The following CHRNA2 variants were observed in gnomAD, a reference collection of about 807,000 sequenced individuals.
CHRNA2 encodes neuronal acetylcholine receptor subunit alpha-2.
Under a neutral mutation model 45.5 loss-of-function variants are expected in CHRNA2, and 40 were observed. That is an observed-to-expected ratio of 0.88 (90% CI 0.68 to 1.15). The LOEUF (loss-of-function observed/expected upper bound fraction) is 1.15. Ranked by LOEUF, CHRNA2 falls within the 50% of genes most tolerant of loss-of-function variation. The pLI is 0.00. For missense variants in CHRNA2, 655 were observed against 701.7 expected, an observed-to-expected ratio of 0.93 and a Z score of 0.75; for synonymous variants, 301 against 296.7, an observed-to-expected ratio of 1.01 and a Z score of -0.15.
intron 1 of CHRNA2, among the ~76,000 whole-genome samples, chr8:27,471,575 C>A (rs1812884277): frequency 6.6e-6 from 1 of 152,208 alleles, no homozygotes; most frequent in South Asian, 2.1e-4. Flanking sequence ...TTTGTCCAAA[C>A]AAATGTCCAT....
intron 1 of CHRNA2, chr8:27,477,097 G>C (rs1486201822): frequency 2.0e-5 from 3 of 152,092 alleles, no homozygotes; most frequent in South Asian, 4.1e-4. Flanking sequence ...TTCGAAACTA[G>C]AATGCGATAA....
Position 27,461,599 on chromosome 8 carries a change from G to T in CHRNA2, c.*30C>A. The T allele has an allele frequency of 1.2e-6, 2 of 1,613,860 alleles. No individual in the cohort carries two copies. The highest frequency in any genetic ancestry group is 1.1e-5 in the South Asian group (1 of 91,082). Reference sequence around the variant, plus strand: ...CGGTCAAAAGATGGTCAGCGGGGGTGCCCTGGGAGCCAGCTCGAGGGAGGT... The same window carrying T: ...CGGTCAAAAGATGGTCAGCGGGGGTTCCCTGGGAGCCAGCTCGAGGGAGGT... On this transcript the variant is annotated 3_prime_UTR_variant, in exon 7 of 7. Coordinates refer to ENST00000407991, the MANE Select transcript of CHRNA2 (RefSeq NM_000742.4).
intron 2 of CHRNA2, among the ~76,000 whole-genome samples, chr8:27,470,680 A>G (rs1411573008): frequency 6.6e-6 from 1 of 152,222 alleles, no homozygotes; most frequent in Non-Finnish European, 1.5e-5. Context: ...TGCCTCCTGT[A>G]TCCCAGATTC....
chr8:27,473,184 C>T (rs1358501646), intron 1 of CHRNA2, among the ~76,000 whole-genome samples: 3 of 151,840 alleles, frequency 2.0e-5, no homozygotes, highest in African/African-American at 7.3e-5. Context: ...CCTCATGTTC[C>T]GGGACACATC....
intron 1 of CHRNA2, among the ~76,000 whole-genome samples, chr8:27,476,788 A>G (rs895140687): frequency 1.3e-5 from 2 of 152,204 alleles, no homozygotes; most frequent in East Asian, 1.9e-4. Context: ...TTTTTACTAG[A>G]TATTAGAACA....
At chr8:27,470,145 A>G (rs1812832338) in intron 2 of CHRNA2, 164 bp from the exon 3 acceptor site, 2 of 713,054 alleles carry the variant, frequency 2.8e-6, no homozygotes, top group South Asian at 1.6e-5. Context: ...GTCGGAGCTC[A>G]GGAAAGGTCA....
Position 27,469,761 on chromosome 8 carries a change from C to T in CHRNA2, c.294G>A (p.Val98=), listed in dbSNP as rs1200627801. ...FGLSIAQLID[V]DEKNQMMTTN... ...GCCAGCGGTGGGAAGACAGGCGCACCACATCGATGAGCTGAGCGATGGACA... is the reference window on the plus strand; with the variant it reads ...GCCAGCGGTGGGAAGACAGGCGCACTACATCGATGAGCTGAGCGATGGACA... Residue 98 remains valine, a splice_region_variant and synonymous_variant, in exon 3 of 7, where the codon GTG becomes GTA. Transcript: ENST00000407991. 6.2e-7 allele frequency: 1 copy of T among 1,614,004 alleles called. No homozygotes were observed. The highest frequency in any genetic ancestry group is 8.5e-7 in the Non-Finnish European group (1 of 1,180,022).
intron 5 of CHRNA2, among the ~76,000 whole-genome samples, chr8:27,465,582 C>T (rs767439728): frequency 6.6e-6 from 1 of 152,000 alleles, no homozygotes; most frequent in Non-Finnish European, 1.5e-5. Context: ...CAGGTGCCAC[C>T]ACCACACCCG....
rs151068685 is a variant in CHRNA2 at position 27,463,537 on chromosome 8, C to T, written c.906G>A (p.Ser302=). 1.1e-5 allele frequency: 17 copies of T among 1,614,052 alleles called. No individual in the cohort carries two copies. Among genetic ancestry groups the T allele is most frequent in the African/African-American group, 6.7e-5 (5 of 74,910 alleles). Residue 302 remains serine (S), a synonymous_variant, in exon 6 of 7, where the codon TCG becomes TCA. Coordinates refer to ENST00000407991, the MANE Select transcript of CHRNA2 (RefSeq NM_000742.4). The surrounding 1 kb of genome is among the most constrained non-coding windows in gnomAD (Gnocchi z 6.1). ...DCGEKITLCI[S]VLLSLTVFLL... ...GGAAGACGGTGAGTGACAGCAGCAC[C>T]GAAATGCACAGCGTGATCTTCTCGC...
At chr8:27,476,602 C>T (rs1813068081) in intron 1 of CHRNA2, among the ~76,000 whole-genome samples, 1 of 152,218 alleles carries the variant, frequency 6.6e-6, no homozygotes, top group South Asian at 2.1e-4. Context: ...CTTTCTGGTT[C>T]CTTGTCTCTT....
intron 5 of CHRNA2, among the ~76,000 whole-genome samples, chr8:27,464,481 A>G (rs1812635995): frequency 6.6e-6 from 1 of 152,082 alleles, no homozygotes; most frequent in Non-Finnish European, 1.5e-5. Flanking sequence ...CATTCAAAGC[A>G]TCTCTTCCAA....
intron 1 of CHRNA2, among the ~76,000 whole-genome samples, chr8:27,477,828 G>A (rs1346725): frequency 0.075 from 11,435 of 152,136 alleles, 1,347 homozygotes; most frequent in African/African-American, 0.25. Flanking sequence ...AGAAGCCTAT[G>A]TAAAAGAGAT....
At chr8:27,474,000 C>T (rs1425230526) in intron 1 of CHRNA2, among the ~76,000 whole-genome samples, 1 of 152,190 alleles carries the variant, frequency 6.6e-6, no homozygotes, top group East Asian at 1.9e-4. Flanking sequence ...CACTCAATCC[C>T]CCTGGGATTT....
At chr8:27,465,457 G>C (rs34181358) in intron 5 of CHRNA2, among the ~76,000 whole-genome samples, 1 of 152,076 alleles carries the variant, frequency 6.6e-6, no homozygotes, top group Non-Finnish European at 1.5e-5. Flanking sequence ...TTTTGAGGCG[G>C]AATCTCACTC....
In CHRNA2 at chr8:27,463,450, G is replaced by T. The variant is rs143360318; in HGVS notation, c.993C>A (p.Tyr331Ter). 6.2e-7 allele frequency: 1 copy of T among 1,614,086 alleles called. No homozygotes were observed. Among genetic ancestry groups the T allele is most frequent in the Non-Finnish European group, 8.5e-7 (1 of 1,180,044 alleles). The change falls in exon 6 of 7, where the codon TAC (tyrosine) becomes TAA (stop). Residue 331 changes from tyrosine to a stop codon, truncating the protein, a stop_gained. Coordinates refer to ENST00000407991, the MANE Select transcript of CHRNA2 (RefSeq NM_000742.4). LOFTEE classifies it high-confidence loss of function. The surrounding 1 kb of genome is among the most constrained non-coding windows in gnomAD (Gnocchi z 6.1). ...TSLVIPLIGE[Y>*]LLFTMIFVTL... ...TGACGAAGATCATGGTGAACAGCAG[G>T]TACTCGCCGATGAGCGGGATGACCA...
chr8:27,475,760 T>C (rs1242435260), intron 1 of CHRNA2, among the ~76,000 whole-genome samples: 1 of 152,212 alleles, frequency 6.6e-6, no homozygotes, highest in African/African-American at 2.4e-5. Context: ...GCTGTGTTCA[T>C]CTGGAATCAC....
chr8:27,463,201 C>T lies in CHRNA2; in HGVS notation c.1242G>A (p.Glu414=). Residue 414 remains glutamate (E), a synonymous_variant, in exon 6 of 7, where the codon GAG becomes GAA. Coordinates refer to ENST00000407991, the MANE Select transcript of CHRNA2 (RefSeq NM_000742.4). This position sits in a 1 kb window ranked among gnomAD's most constrained non-coding sequence, Gnocchi z 6.1. ...ATCTGTCCTCCTCCTCCACCACCAC[C>T]TCCCTCTCCTCGGCATCCACGTTGC... The part of the protein sequence containing the change: ...LESNVDAEER[E]VVVEEEDRWA... 1 of 1,588,942 alleles carries T rather than the reference C, an allele frequency of 6.3e-7. No homozygotes were observed. The highest frequency in any genetic ancestry group is 8.6e-7 in the Non-Finnish European group (1 of 1,164,280).
chr8:27,467,992 T>C (rs1045092832), intron 4 of CHRNA2, among the ~76,000 whole-genome samples: 1 of 152,158 alleles, frequency 6.6e-6, no homozygotes, highest in Non-Finnish European at 1.5e-5. Flanking sequence ...ATCTCCGTAG[T>C]CCATCTGTCA....
chr8:27,470,593 G>A (rs1052473478), intron 2 of CHRNA2, among the ~76,000 whole-genome samples: 22 of 152,222 alleles, frequency 1.4e-4, no homozygotes, highest in African/African-American at 5.3e-4. Flanking sequence ...TGCTGTCCGA[G>A]CGAGTCGAGA....
Sources: gnomAD v4.1 joint callset for allele counts (sites outside exome capture counted in the v4.1 genomes callset) on GRCh38, gnomAD v4.1.1 for gene constraint, Gnocchi (gnomAD v3.1) non-coding constraint, MANE v1.5 for transcripts, NCBI Gene and HGNC (gene_info 2026-07-23, HGNC 2026-07-21) for gene names.